VWA3B: variants seen among roughly 807,000 people sequenced by gnomAD.
The protein encoded by VWA3B is von Willebrand factor A domain containing 3B.
VWA3B carries 138 observed loss-of-function variants against 158.3 expected under a neutral mutation model. The ratio of observed to expected loss-of-function variants is 0.87; its 90% CI spans 0.76 to 1.00. The LOEUF (loss-of-function observed/expected upper bound fraction) is 1.00, where lower values mean the gene tolerates loss of function less well. Ranked by LOEUF, VWA3B falls within the 50% of genes least tolerant of loss-of-function variation. The pLI is 0.00. For missense variants in VWA3B, 1,555 were observed against 1,565.1 expected (o/e 0.99, Z 0.11); for synonymous variants, 596 against 587.3 (o/e 1.01, Z -0.21).
At chr2:98,239,403 T>C (rs140479030) in intron 19 of VWA3B, among the ~76,000 whole-genome samples, 2 of 152,214 alleles carry the variant, frequency 1.3e-5, no homozygotes, top group Non-Finnish European at 2.9e-5. Context: ...TCAGAATATA[T>C]AGTGTGTTAG....
the VWA3B span, among the ~76,000 whole-genome samples, chr2:98,320,392 G>T: frequency 1.3e-5 from 2 of 152,190 alleles, no homozygotes; most frequent in Admixed American, 1.3e-4. Flanking sequence ...TGCCAGGAGT[G>T]GGGTGCTGCT....
chr2:98,274,586 C>T (rs1386182811), intron 22 of VWA3B, among the ~76,000 whole-genome samples: 1 of 152,006 alleles, frequency 6.6e-6, no homozygotes. Flanking sequence ...CCCTGGGGAA[C>T]GTGGCAGGAG....
At chr2:98,291,384 CAAT>C (rs1442733511) in intron 23 of VWA3B, 4 of 151,978 alleles carry the variant, frequency 2.6e-5, no homozygotes, top group Non-Finnish European at 5.9e-5. Flanking sequence ...TGGATGGTGA[CAAT>C]AATACGTGTG....
chr2:98,119,633 T>C lies in VWA3B; in HGVS notation c.412T>C (p.Leu138=). 1 of 1,614,190 alleles carries C rather than the reference T, an allele frequency of 6.2e-7. No individual in the cohort carries two copies. The highest frequency in any genetic ancestry group is 8.5e-7 in the Non-Finnish European group (1 of 1,180,028). Residue 138 remains leucine, a synonymous_variant, in exon 4 of 28, where the codon TTG becomes CTG. Coordinates refer to ENST00000477737, the MANE Select transcript of VWA3B (RefSeq NM_144992.5). ...GAGCCGGCAGATTTTTGGTGTCATC[T>C]TGGAACAGTGCGTCACCATAGTGCT... ...SKSRQIFGVI[L]EQCVTIVLDF...
chr2:98,234,845 A>G, intron 17 of VWA3B, 78 bp downstream of exon 17: 1 of 1,580,936 alleles, frequency 6.3e-7, no homozygotes, highest in East Asian at 2.3e-5. Flanking sequence ...CTGCGTGTAG[A>G]TATGTTGGGG....
chr2:98,250,512 C>T, intron 20 of VWA3B, 76 bp downstream of exon 20: 24 of 1,138,202 alleles, frequency 2.1e-5, no homozygotes, highest in South Asian at 8.8e-5. Context: ...CTTGTTTTAG[C>T]TTAGCTTTTT....
At position 98,115,675 on chromosome 2, in the gene VWA3B, C is replaced by A; in HGVS notation, c.220C>A (p.Pro74Thr). The part of the protein sequence containing the change: ...CEDYVASLGR[P>T]VASRYADGLF... Reference sequence around the variant, plus strand: ...AGATTATGTGGCGTCTCTGGGGAGACCTGTGGCTTCTCGGTATGCTGATGG... The same window carrying A: ...AGATTATGTGGCGTCTCTGGGGAGAACTGTGGCTTCTCGGTATGCTGATGG... The change falls in exon 3 of 28, where the codon CCT becomes ACT. Residue 74 changes from proline to threonine, a missense_variant. By Grantham distance (38) the Pro-to-Thr change is conservative (BLOSUM62 -1). Coordinates refer to ENST00000477737, the MANE Select transcript of VWA3B (RefSeq NM_144992.5). 6.2e-7 allele frequency: 1 copy of A among 1,613,804 alleles called. No homozygotes were observed.
chr2:98,161,943 T>C (rs940460530), intron 7 of VWA3B, among the ~76,000 whole-genome samples: 4 of 152,136 alleles, frequency 2.6e-5, no homozygotes, highest in South Asian at 2.1e-4. Flanking sequence ...CTGACCTCCA[T>C]TGATCTGCCC....
At chr2:98,159,222 C>G (rs544674731) in intron 7 of VWA3B, among the ~76,000 whole-genome samples, 2 of 152,060 alleles carry the variant, frequency 1.3e-5, no homozygotes, top group Non-Finnish European at 2.9e-5. Flanking sequence ...CATTTTAACA[C>G]GAGCCTGCAA....
At chr2:98,176,577 G>A (rs1170122817) in intron 8 of VWA3B, among the ~76,000 whole-genome samples, 2 of 147,058 alleles carry the variant, frequency 1.4e-5, no homozygotes, top group Non-Finnish European at 3.0e-5. Flanking sequence ...TTCTTTTCCT[G>A]TACCACTCCC....
At chr2:98,246,863 C>G (rs1174079194) in intron 19 of VWA3B, among the ~76,000 whole-genome samples, 1 of 151,972 alleles carries the variant, frequency 6.6e-6, no homozygotes, top group African/African-American at 2.4e-5. Flanking sequence ...AAGTGCAATA[C>G]CATTTTTTGT....
At chr2:98,138,928 G>A (rs1676501124) in intron 7 of VWA3B, among the ~76,000 whole-genome samples, 2 of 152,266 alleles carry the variant, frequency 1.3e-5, no homozygotes, top group African/African-American at 2.4e-5. Flanking sequence ...TCAGTCCGCC[G>A]CTGCACTGTG....
intron 22 of VWA3B, among the ~76,000 whole-genome samples, chr2:98,280,114 C>T (rs922423704): frequency 3.3e-5 from 5 of 152,056 alleles, no homozygotes; most frequent in African/African-American, 7.2e-5. Flanking sequence ...ATCAGGAACG[C>T]GAAATTACAA....
chr2:98,131,866 G>A (rs993179710), intron 6 of VWA3B, among the ~76,000 whole-genome samples: 11 of 152,174 alleles, frequency 7.2e-5, no homozygotes, highest in African/African-American at 2.7e-4. Flanking sequence ...TAATTTTCAA[G>A]ATCTGTGAAG....
intron 19 of VWA3B, among the ~76,000 whole-genome samples, chr2:98,247,519 A>T (rs62156721): frequency 0.13 from 20,400 of 152,114 alleles, 2,083 homozygotes; most frequent in Non-Finnish European, 0.2. Context: ...ATATCTCTTT[A>T]TATCTAAAAA....
chr2:98,160,409 A>T lies in VWA3B; in HGVS notation c.989-2442A>T, dbSNP rs533999863. Reference sequence around the variant, plus strand: ...TCTGATCACCGACATAGCAGTCTGTAGCTGCTTCATCACGATCACTAGACT... The same window carrying T: ...TCTGATCACCGACATAGCAGTCTGTTGCTGCTTCATCACGATCACTAGACT... On this transcript the variant is annotated intron_variant, in intron 7 of 27. Transcript: ENST00000477737. 1.1e-4 allele frequency among the ~76,000 whole-genome samples: 16 copies of T among 152,224 alleles called. No homozygotes were observed. The East Asian group carries it at 2.3e-3, about 22-fold the overall frequency.
At chr2:98,314,873 A>T (rs546298894), downstream of VWA3B, among the ~76,000 whole-genome samples, 5 of 152,150 alleles carry the variant, frequency 3.3e-5, no homozygotes, top group South Asian at 8.3e-4. Flanking sequence ...AAATACAAAA[A>T]TTAGCTGGGT....
chr2:98,322,845 C>G, the VWA3B span, among the ~76,000 whole-genome samples: 2 of 152,112 alleles, frequency 1.3e-5, no homozygotes, highest in East Asian at 3.8e-4. Context: ...ATAAAAGCAG[C>G]AATTTGAAGC....
chr2:98,158,571 G>A (rs573265505), intron 7 of VWA3B, among the ~76,000 whole-genome samples: 72 of 152,320 alleles, frequency 4.7e-4, no homozygotes, highest in African/African-American at 1.6e-3. Context: ...AGGCAGCCAG[G>A]AACTGAAATG....
Sources: allele counts gnomAD v4.1 joint callset (sites outside exome capture counted in the v4.1 genomes callset), GRCh38; gene constraint gnomAD v4.1.1; transcripts MANE v1.5; gene names NCBI Gene and HGNC (gene_info 2026-07-23, HGNC 2026-07-21).